Variants in DMXL1 observed in about 807,000 individuals in gnomAD.
DMXL1 encodes the protein Dmx like 1, also known as dmX-like protein 1.
A neutral mutation model predicts 319.2 loss-of-function variants in DMXL1; 99 were observed. The ratio of observed to expected loss-of-function variants is 0.31; its 90% CI spans 0.26 to 0.37. DMXL1 has a LOEUF of 0.37. Ranked by LOEUF, DMXL1 falls within the 10% of genes least tolerant of loss-of-function variation. The pLI, the probability that DMXL1 is intolerant of heterozygous loss-of-function variation, is 1.00. For synonymous variants in DMXL1, 1,385 were observed against 1,235.2 expected, an observed-to-expected ratio of 1.12 and a Z score of -2.54; for missense variants, 3,745 against 3,595.6, an observed-to-expected ratio of 1.04 and a Z score of -1.06.
Position 119,203,312 on chromosome 5 carries a change from T to C in DMXL1, c.7746-7T>C. On this transcript the variant is annotated splice_region_variant and splice_polypyrimidine_tract_variant and intron_variant, in intron 32 of 43. Transcript: ENST00000539542. Reference sequence around the variant, plus strand: ...TTTATCATTAAATTTGCTGTCTCTCTCTGTAGATCCAAACACCATCTGGCA... The same window carrying C: ...TTTATCATTAAATTTGCTGTCTCTCCCTGTAGATCCAAACACCATCTGGCA... 1 of 1,541,634 alleles carries C rather than the reference T, an allele frequency of 6.5e-7. No individual in the cohort carries two copies. The highest frequency in any genetic ancestry group is 2.3e-5 in the East Asian group (1 of 43,282).
intron 34 of DMXL1, among the ~76,000 whole-genome samples, chr5:119,213,203 A>G (rs1312874497): frequency 4.6e-5 from 7 of 151,840 alleles, no homozygotes; most frequent in Non-Finnish European, 1.0e-4. Flanking sequence ...TTTGTTTCCT[A>G]CTCCCCACAG....
intron 13 of DMXL1, among the ~76,000 whole-genome samples, chr5:119,136,686 G>A (rs552776572): frequency 2.4e-4 from 36 of 152,372 alleles, no homozygotes; most frequent in East Asian, 2.3e-3. Context: ...AAAAGGGGCC[G>A]TGGTACAGCT....
chr5:119,200,287 C>T (rs544870444), intron 32 of DMXL1, among the ~76,000 whole-genome samples: 2 of 152,262 alleles, frequency 1.3e-5, no homozygotes, highest in Non-Finnish European at 2.9e-5. Context: ...CAATCTTCTG[C>T]ATTTGGCTAG....
chr5:119,193,236 G>A (rs112869119), intron 29 of DMXL1, among the ~76,000 whole-genome samples: 17 of 152,232 alleles, frequency 1.1e-4, no homozygotes, highest in African/African-American at 1.7e-4. Context: ...TGTCTGAGCC[G>A]TCATTTGCTA....
chr5:119,181,171 CATT>C (rs931013886), intron 28 of DMXL1, among the ~76,000 whole-genome samples: 1 of 152,042 alleles, frequency 6.6e-6, no homozygotes, highest in African/African-American at 2.4e-5. Context: ...TTGGGGGGGC[CATT>C]ATAAGTCCGT....
chr5:119,202,803 A>T (rs1376823417), intron 32 of DMXL1, among the ~76,000 whole-genome samples: 5 of 149,542 alleles, frequency 3.3e-5, no homozygotes, highest in African/African-American at 1.2e-4. Context: ...GTGAGCCAAG[A>T]TCGCCCTGTT....
chr5:119,119,568 C>T (rs536510319), intron 8 of DMXL1, among the ~76,000 whole-genome samples: 1 of 149,668 alleles, frequency 6.7e-6, no homozygotes, highest in South Asian at 2.1e-4. Context: ...CAGATTCTCA[C>T]TCTGTCAACC....
intron 4 of DMXL1, among the ~76,000 whole-genome samples, chr5:119,107,037 A>G (rs914995920): frequency 6.6e-6 from 1 of 152,200 alleles, no homozygotes; most frequent in African/African-American, 2.4e-5. Flanking sequence ...AATCTAGAAC[A>G]TAAAAAGTTA....
intron 1 of DMXL1, among the ~76,000 whole-genome samples, chr5:119,074,569 C>G (rs1436010238): frequency 2.0e-5 from 3 of 152,310 alleles, no homozygotes; most frequent in South Asian, 2.1e-4. Flanking sequence ...CTCCTATTTT[C>G]TAGATTTGAA....
chr5:119,180,667 GA>G (rs1450262113), intron 28 of DMXL1, among the ~76,000 whole-genome samples: 9 of 151,724 alleles, frequency 5.9e-5, no homozygotes, highest in African/African-American at 2.2e-4. Context: ...TTTTTGTATA[GA>G]TTTTTTTAAA....
At chr5:119,112,685 G>A (rs1302185556) in intron 5 of DMXL1, among the ~76,000 whole-genome samples, 3 of 152,122 alleles carry the variant, frequency 2.0e-5, no homozygotes, top group East Asian at 1.9e-4. Flanking sequence ...GGCTGGGCTC[G>A]GTGGCTCACG....
chr5:119,143,532 G>A (rs1206035256), intron 13 of DMXL1, among the ~76,000 whole-genome samples: 1 of 151,854 alleles, frequency 6.6e-6, no homozygotes, highest in Non-Finnish European at 1.5e-5. Context: ...TGTTTAAAAA[G>A]CACTAATTAT....
chr5:119,219,568 A>T (rs10059909), intron 35 of DMXL1, among the ~76,000 whole-genome samples: 21,819 of 150,374 alleles, frequency 0.15, 1,850 homozygotes, highest in East Asian at 0.24. Flanking sequence ...TTAATTAATT[A>T]ATTTATTTAT....
Position 119,189,902 on chromosome 5 carries a change from T to C in DMXL1, c.7314+16T>C. ...CATAGCTAAGGTAATTAAAATGCTATCTAGATCAATATTTTCATAGTCAAA... is the reference window on the plus strand; with the variant it reads ...CATAGCTAAGGTAATTAAAATGCTACCTAGATCAATATTTTCATAGTCAAA... On this transcript the variant is annotated intron_variant, in intron 29 of 43. Coordinates refer to ENST00000539542, the MANE Select transcript of DMXL1 (RefSeq NM_001290321.3). 1.3e-6 allele frequency: 2 copies of C among 1,592,794 alleles called. No homozygotes were observed. Among genetic ancestry groups the C allele is most frequent in the Non-Finnish European group, 1.7e-6 (2 of 1,163,658 alleles).
chr5:119,074,465 C>T (rs977986750), intron 1 of DMXL1, among the ~76,000 whole-genome samples: 4 of 152,148 alleles, frequency 2.6e-5, no homozygotes, highest in Non-Finnish European at 4.4e-5. Context: ...AGATAACTTA[C>T]GTGTTCTTGG....
chr5:119,165,119 A>T, intron 20 of DMXL1, 64 bp from the exon 21 acceptor site: 1 of 973,366 alleles, frequency 1.0e-6, no homozygotes, highest in Non-Finnish European at 1.6e-6. Context: ...AGCCTTTCAT[A>T]TGAAAGAAAT....
chr5:119,109,519 C>A (rs1237688060), intron 4 of DMXL1, among the ~76,000 whole-genome samples: 2 of 152,178 alleles, frequency 1.3e-5, no homozygotes, highest in East Asian at 3.8e-4. Flanking sequence ...ACAGTCTCAC[C>A]TTGGCATTTT....
chr5:119,206,529 G>C (rs1028980352), intron 33 of DMXL1: 2 of 186,936 alleles, frequency 1.1e-5, no homozygotes, highest in African/African-American at 4.7e-5. Flanking sequence ...TTAATATAAA[G>C]TATTTTGGTT....
At chr5:119,079,942 C>T (rs927947544) in intron 1 of DMXL1, among the ~76,000 whole-genome samples, 8 of 152,216 alleles carry the variant, frequency 5.3e-5, no homozygotes, top group African/African-American at 1.2e-4. Flanking sequence ...GTCCTCTTCT[C>T]GTTTCATTCT....
Sources: allele counts gnomAD v4.1 joint callset (sites outside exome capture counted in the v4.1 genomes callset), GRCh38; gene constraint gnomAD v4.1.1; transcripts MANE v1.5; gene names NCBI Gene and HGNC (gene_info 2026-07-23, HGNC 2026-07-21).